Variants in FAM136A observed in about 807,000 individuals in gnomAD.
The protein encoded by FAM136A is TIM double twin CX3C motif chaperone.
FAM136A carries 25 observed loss-of-function variants against 21.6 expected under a neutral mutation model. That is an observed-to-expected ratio of 1.16 (90% CI 0.84 to 1.62). The LOEUF (loss-of-function observed/expected upper bound fraction) is 1.62. Ranked by LOEUF, FAM136A falls within the 40% of genes most tolerant of loss-of-function variation. The pLI is 0.00. For missense variants in FAM136A, 338 were observed against 332.0 expected (o/e 1.02, Z -0.14); for synonymous variants, 119 against 129.4 (o/e 0.92, Z 0.55).
intron 2 of FAM136A, among the ~76,000 whole-genome samples, chr2:70,298,790 G>A (rs930361125): frequency 6.6e-6 from 1 of 152,190 alleles, no homozygotes; most frequent in African/African-American, 2.4e-5. Context: ...GGCCAAGGAA[G>A]GAGGCAGAAA....
In FAM136A at chr2:70,301,724, G is replaced by A. The variant is rs967846420; in HGVS notation, c.288C>T (p.Cys96=). ...GSDEIRVPLP[C]ARLFSAPSSP... ...TGGAAGGGGCGGAAAACAGCCTCGCGCACGGCAAGGGCACACGGATTTCAT... is the reference window on the plus strand; with the variant it reads ...TGGAAGGGGCGGAAAACAGCCTCGCACACGGCAAGGGCACACGGATTTCAT... The change falls in exon 1 of 3, where the codon TGC becomes TGT. Residue 96 remains cysteine, a synonymous_variant. Transcript: ENST00000430566. 4 of 1,536,990 alleles carry A rather than the reference G, an allele frequency of 2.6e-6. No homozygotes were observed. The African/African-American group carries it at 5.5e-5, about 21-fold the overall frequency.
In FAM136A at chr2:70,301,844, A is replaced by T; in HGVS notation, c.168T>A (p.Pro56=). ...TCTGCGGGGACGCGGCTGCAGTGCA[A>T]GGCGTCGCGTGGTGGCTGAGGGAAG... ...PGPSLSHHAT[P]CTAAASPQTG... Residue 56 remains proline, a synonymous_variant, in exon 1 of 3, where the codon CCT becomes CCA. Coordinates refer to ENST00000430566, the MANE Select transcript of FAM136A (RefSeq NM_001329752.2). 1 of 1,551,520 alleles carries T rather than the reference A, an allele frequency of 6.4e-7. No homozygotes were observed.
chr2:70,301,815 C>T lies in FAM136A; in HGVS notation c.197G>A (p.Gly66Glu), dbSNP rs762025123. The T allele has an allele frequency of 3.9e-5, 61 of 1,548,508 alleles. No homozygotes were observed. The South Asian group carries it at 7.3e-4, about 18-fold the overall frequency. Residue 66 changes from glycine (G) to glutamate (E), a missense_variant, in exon 1 of 3, where the codon GGG (glycine) becomes GAG (glutamate). Physicochemically the swap from Gly to Glu is moderately conservative, Grantham distance 98. Coordinates refer to ENST00000430566, the MANE Select transcript of FAM136A (RefSeq NM_001329752.2). ...CCGGCGACCCCAGGGCCGCCCACACCCGGTCTGCGGGGACGCGGCTGCAGT... is the reference window on the plus strand; with the variant it reads ...CCGGCGACCCCAGGGCCGCCCACACTCGGTCTGCGGGGACGCGGCTGCAGT... ...PCTAAASPQT[G>E]CGRPWGRRGG... is the part of the protein sequence containing the mutation.
At chr2:70,298,043 C>T (rs1697301201) in intron 2 of FAM136A, among the ~76,000 whole-genome samples, 1 of 151,430 alleles carries the variant, frequency 6.6e-6, no homozygotes, top group Non-Finnish European at 1.5e-5. Flanking sequence ...AACATTCTTC[C>T]AGGAAATGAG....
rs367751795 is a variant in FAM136A at position 70,302,018 on chromosome 2, C to T, written c.-7G>A. 1 of 1,580,252 alleles carries T rather than the reference C, an allele frequency of 6.3e-7. No individual in the cohort carries two copies. The highest frequency in any genetic ancestry group is 8.6e-7 in the Non-Finnish European group (1 of 1,165,470). On this transcript the variant is annotated 5_prime_UTR_variant, in exon 1 of 3. Transcript: ENST00000430566. Reference sequence around the variant, plus strand: ...GCTGCTGCAGCTCAGCCATGGCGACCCCGCGCTGCCCCGCGGCGCTCCGCG... The same window carrying T: ...GCTGCTGCAGCTCAGCCATGGCGACTCCGCGCTGCCCCGCGGCGCTCCGCG...
chr2:70,301,364 C>T (rs1200476743), intron 1 of FAM136A: 2 of 1,493,988 alleles, frequency 1.3e-6, no homozygotes, highest in Non-Finnish European at 1.8e-6. Flanking sequence ...GGCAGCCGAC[C>T]CACTAATCAA....
intron 2 of FAM136A, among the ~76,000 whole-genome samples, chr2:70,299,518 C>T (rs1400420126): frequency 6.6e-6 from 1 of 152,180 alleles, no homozygotes; most frequent in African/African-American, 2.4e-5. Context: ...CGAATCTGTA[C>T]CTTTTCAAGG....
At chr2:70,299,238 T>C (rs1697330556) in intron 2 of FAM136A, among the ~76,000 whole-genome samples, 1 of 152,212 alleles carries the variant, frequency 6.6e-6, no homozygotes, top group African/African-American at 2.4e-5. Flanking sequence ...GGCTTGGAAG[T>C]AGGCTTGCTT....
chr2:70,301,776 T>A lies in FAM136A; in HGVS notation c.236A>T (p.Gln79Leu), dbSNP rs577013790. Reference protein sequence around the residue: ...RPWGRRGGLGQDFGSFGGSDE... With the variant: ...RPWGRRGGLGLDFGSFGGSDE... ...CGATCCGCCAAAGCTTCCGAAGTCCTGTCCGAGGCCGCCCCGGCGACCCCA... is the reference window on the plus strand; with the variant it reads ...CGATCCGCCAAAGCTTCCGAAGTCCAGTCCGAGGCCGCCCCGGCGACCCCA... Residue 79 changes from glutamine (Q) to leucine (L), a missense_variant, in exon 1 of 3, where the codon CAG (glutamine) becomes CTG (leucine). Physicochemically the swap from Gln to Leu is moderately radical, Grantham distance 113. Transcript: ENST00000430566. 6.5e-7 allele frequency: 1 copy of A among 1,545,770 alleles called. No homozygotes were observed. The highest frequency in any genetic ancestry group is 1.2e-5 in the South Asian group (1 of 83,970).
At chr2:70,301,517 A>G (rs988124719) in intron 1 of FAM136A, 87 bp downstream of exon 1, 2 of 1,536,022 alleles carry the variant, frequency 1.3e-6, no homozygotes, top group East Asian at 2.4e-5. Flanking sequence ...AGAAGCAGGC[A>G]TGACCTGGCC....
At chr2:70,298,548 GACAA>G (rs754234461) in intron 2 of FAM136A, among the ~76,000 whole-genome samples, 2 of 152,210 alleles carry the variant, frequency 1.3e-5, no homozygotes, top group Non-Finnish European at 2.9e-5. Context: ...AGAGGAAAGA[GACAA>G]ACAAAGTAAA....
At chr2:70,299,687 G>A (rs1449141828) in intron 2 of FAM136A, among the ~76,000 whole-genome samples, 1 of 152,084 alleles carries the variant, frequency 6.6e-6, no homozygotes, top group Non-Finnish European at 1.5e-5. Context: ...TGCAAGCTCT[G>A]CCTCCCGGAT....
rs1414366605 is a variant in FAM136A at position 70,297,098 on chromosome 2, T to C, written c.*191A>G. On this transcript the variant is annotated 3_prime_UTR_variant, in exon 3 of 3. Transcript: ENST00000430566. ...TATCTCTGACTCGATTTAGCACCAC[T>C]TTTTTCCATTTCATTTTTTAGGGAC... 1 of 594,282 alleles carries C rather than the reference T, an allele frequency of 1.7e-6. No individual in the cohort carries two copies. The highest frequency in any genetic ancestry group is 2.9e-6 in the Non-Finnish European group (1 of 345,228). 36.8% of individuals were successfully genotyped at this position (594,282 alleles called of 1,614,324 possible). A position where few individuals can be genotyped will look rare whatever the true frequency, so the allele number is the denominator to read the frequency against.
intron 2 of FAM136A, chr2:70,300,453 A>G (rs1270312919): frequency 6.5e-6 from 1 of 154,638 alleles, no homozygotes; most frequent in Non-Finnish European, 1.4e-5. Context: ...CAGCCTCCCT[A>G]GTATCTGGGA....
In FAM136A at chr2:70,297,059, A is replaced by G; in HGVS notation, c.*230T>C. The G allele has an allele frequency of 2.0e-6, 1 of 490,222 alleles. No homozygotes were observed. The highest frequency in any genetic ancestry group is 3.7e-6 in the Non-Finnish European group (1 of 273,468). 30.4% of individuals were successfully genotyped at this position (490,222 alleles called of 1,614,324 possible). On this transcript the variant is annotated 3_prime_UTR_variant, in exon 3 of 3. Transcript: ENST00000430566. ...TGGCCACAGGAAATAATAAGCTCTA[A>G]AACTCTCCTGTAATATCTCTGACTC...
chr2:70,298,394 A>G (rs1045452275), intron 2 of FAM136A, among the ~76,000 whole-genome samples: 9 of 152,186 alleles, frequency 5.9e-5, no homozygotes, highest in Middle Eastern at 3.2e-3. Context: ...CTGATTCTTT[A>G]AAGTCTGTTC....
Position 70,296,778 on chromosome 2 carries a change from C to A in FAM136A, c.*511G>T, listed in dbSNP as rs1178106809. The A allele has an allele frequency of 6.7e-6, 1 of 150,276 alleles. No homozygotes were observed. Among genetic ancestry groups the A allele is most frequent in the African/African-American group, 2.4e-5 (1 of 41,020 alleles). The allele number at this position is 150,276 out of a possible 1,614,324, so 9.3% of individuals were successfully genotyped here. A position where few individuals can be genotyped will look rare whatever the true frequency, so the allele number is the denominator to read the frequency against. On this transcript the variant is annotated 3_prime_UTR_variant, in exon 3 of 3. Transcript: ENST00000430566. ...TGCCCTTGTATAAATTACCCCAAATCAAGAAAACAAAGACCCAGAAAACTT... is the reference window on the plus strand; with the variant it reads ...TGCCCTTGTATAAATTACCCCAAATAAAGAAAACAAAGACCCAGAAAACTT...
intron 2 of FAM136A, 144 bp from the exon 3 acceptor site, chr2:70,297,621 GTTTTTTTT>G (rs55803921): frequency 2.0e-5 from 5 of 250,566 alleles, no homozygotes; most frequent in Middle Eastern, 1.1e-3. Flanking sequence ...GATTGGCCAA[GTTTTTTTT>G]TTTTTTTTTT....
chr2:70,301,789 C>G lies in FAM136A; in HGVS notation c.223G>C (p.Gly75Arg). 1.9e-6 allele frequency: 3 copies of G among 1,547,154 alleles called. No homozygotes were observed. Among genetic ancestry groups the G allele is most frequent in the Non-Finnish European group, 2.6e-6 (3 of 1,145,848 alleles). The part of the protein sequence containing the change: ...TGCGRPWGRR[G>R]GLGQDFGSFG... ...CTTCCGAAGTCCTGTCCGAGGCCGCCCCGGCGACCCCAGGGCCGCCCACAC... is the reference window on the plus strand; with the variant it reads ...CTTCCGAAGTCCTGTCCGAGGCCGCGCCGGCGACCCCAGGGCCGCCCACAC... The change falls in exon 1 of 3, where the codon GGC (glycine) becomes CGC (arginine). Residue 75 changes from glycine (G) to arginine (R), a missense_variant. By Grantham distance (125) the Gly-to-Arg change is moderately radical (BLOSUM62 -2). Transcript: ENST00000430566.
Sources: gnomAD v4.1 joint callset for allele counts (sites outside exome capture counted in the v4.1 genomes callset) on GRCh38, gnomAD v4.1.1 for gene constraint, MANE v1.5 for transcripts, NCBI Gene and HGNC (gene_info 2026-07-23, HGNC 2026-07-21) for gene names.